The following FBXL20 variants were observed in gnomAD, a reference collection of about 807,000 sequenced individuals.
FBXL20 encodes F-box/LRR-repeat protein 20.
In FBXL20, 11 loss-of-function variants were observed where a neutral mutation model predicts 64.0. The ratio of observed to expected loss-of-function variants is 0.17; its 90% CI spans 0.11 to 0.28. The LOEUF (loss-of-function observed/expected upper bound fraction) is 0.28. Among genes scored for constraint, FBXL20 ranks in the 10% least tolerant of loss-of-function variants. The probability of loss-of-function intolerance (pLI) is 1.00; values close to 1 mark genes in which losing one functional copy is unlikely to be tolerated. For missense variants in FBXL20, 303 were observed against 526.2 expected, an observed-to-expected ratio of 0.58 and a Z score of 4.15; for synonymous variants, 184 against 189.0, an observed-to-expected ratio of 0.97 and a Z score of 0.22.
chr17:39,383,343 G>A (rs190933113), intron 1 of FBXL20, among the ~76,000 whole-genome samples: 20 of 152,108 alleles, frequency 1.3e-4, no homozygotes, highest in African/African-American at 4.3e-4. Context: ...AACCTTGGTC[G>A]GGTATGATGG....
chr17:39,271,927 T>A (rs1045480281), intron 10 of FBXL20, among the ~76,000 whole-genome samples: 4 of 151,992 alleles, frequency 2.6e-5, no homozygotes, highest in African/African-American at 7.2e-5. Context: ...AGTTAAAGTA[T>A]AGGAAACAAT....
intron 1 of FBXL20, among the ~76,000 whole-genome samples, chr17:39,343,550 T>C (rs762572427): frequency 2.0e-5 from 3 of 152,078 alleles, no homozygotes; most frequent in Non-Finnish European, 4.4e-5. Context: ...ACTTTATAGA[T>C]AGGAAGCTTG....
At chr17:39,335,426 T>C (rs1049329115) in intron 2 of FBXL20, among the ~76,000 whole-genome samples, 7 of 151,672 alleles carry the variant, frequency 4.6e-5, no homozygotes, top group African/African-American at 1.7e-4. Flanking sequence ...CTACTAAAAA[T>C]GCAAAAAATT....
chr17:39,334,858 G>A (rs2047504958), intron 2 of FBXL20, among the ~76,000 whole-genome samples: 1 of 152,202 alleles, frequency 6.6e-6, no homozygotes, highest in African/African-American at 2.4e-5. Flanking sequence ...GGGAGGCTGA[G>A]GAGGGTGGAT....
chr17:39,402,364 G>A (rs2144700060), upstream of FBXL20: 2 of 507,896 alleles, frequency 3.9e-6, no homozygotes, highest in Non-Finnish European at 6.1e-6. Flanking sequence ...GGGGGGCCGG[G>A]GCCGGACGCT....
At chr17:39,377,173 C>T (rs1374982057) in intron 1 of FBXL20, among the ~76,000 whole-genome samples, 1 of 152,146 alleles carries the variant, frequency 6.6e-6, no homozygotes, top group Admixed American at 6.6e-5. Context: ...AAGATCAGTG[C>T]TTGAGATATT....
At chr17:39,344,711 C>T (rs1597809784) in intron 1 of FBXL20, among the ~76,000 whole-genome samples, 1 of 152,258 alleles carries the variant, frequency 6.6e-6, no homozygotes, top group East Asian at 1.9e-4. Context: ...ATCACTTGAA[C>T]CCCAGGCTGC....
intron 1 of FBXL20, among the ~76,000 whole-genome samples, chr17:39,388,017 T>C (rs2048099098): frequency 6.6e-6 from 1 of 152,186 alleles, no homozygotes; most frequent in African/African-American, 2.4e-5. Context: ...TGACAGTGGT[T>C]AGAGGATCAG....
chr17:39,365,733 G>A (rs1356881700), intron 1 of FBXL20, among the ~76,000 whole-genome samples: 1 of 152,108 alleles, frequency 6.6e-6, no homozygotes, highest in Non-Finnish European at 1.5e-5. Flanking sequence ...AGGACCTGGA[G>A]GATTCCATGA....
At chr17:39,306,407 C>T (rs1441909441) in intron 2 of FBXL20, among the ~76,000 whole-genome samples, 2 of 152,134 alleles carry the variant, frequency 1.3e-5, no homozygotes, top group Non-Finnish European at 2.9e-5. Flanking sequence ...CAAGAAATCA[C>T]TGCTAAACTC....
intron 12 of FBXL20, among the ~76,000 whole-genome samples, chr17:39,266,212 G>C (rs1265380047): frequency 1.3e-5 from 2 of 149,258 alleles, no homozygotes; most frequent in African/African-American, 5.0e-5. Flanking sequence ...GGGATTACAG[G>C]CTAGTTTGTT....
chr17:39,381,606 A>C (rs2048023967), intron 1 of FBXL20, among the ~76,000 whole-genome samples: 1 of 152,034 alleles, frequency 6.6e-6, no homozygotes. Flanking sequence ...GCCTGACAAC[A>C]TGGTGAAACC....
At chr17:39,294,739 C>T (rs1004873255) in intron 6 of FBXL20, among the ~76,000 whole-genome samples, 15 of 152,070 alleles carry the variant, frequency 9.9e-5, no homozygotes, top group East Asian at 9.7e-4. Context: ...TGGCCAGACA[C>T]GGTGGCTCAC....
intron 1 of FBXL20, among the ~76,000 whole-genome samples, chr17:39,396,255 T>G: frequency 6.6e-6 from 1 of 151,856 alleles, no homozygotes; most frequent in East Asian, 1.9e-4. Context: ...ATTGATTCTA[T>G]CTCCCTCGCT....
chr17:39,371,064 C>A (rs537486651), intron 1 of FBXL20, among the ~76,000 whole-genome samples: 1 of 149,256 alleles, frequency 6.7e-6, no homozygotes, highest in South Asian at 2.1e-4. Flanking sequence ...ACTTAAAATA[C>A]AAAATTAGCC....
intron 1 of FBXL20, among the ~76,000 whole-genome samples, chr17:39,380,911 G>A (rs2048015993): frequency 6.6e-6 from 1 of 152,108 alleles, no homozygotes; most frequent in Non-Finnish European, 1.5e-5. Context: ...TGTAATCCCA[G>A]TACTTAGGGA....
intron 1 of FBXL20, among the ~76,000 whole-genome samples, chr17:39,386,391 G>A (rs1264725231): frequency 6.6e-6 from 1 of 152,116 alleles, no homozygotes; most frequent in Admixed American, 6.6e-5. Flanking sequence ...CACTTTGGGA[G>A]GCCAGGGCGG....
At chr17:39,267,307 GA>G (rs943768213) in intron 12 of FBXL20, among the ~76,000 whole-genome samples, 1 of 151,162 alleles carries the variant, frequency 6.6e-6, no homozygotes, top group Non-Finnish European at 1.5e-5. Flanking sequence ...GTAACAGCAA[GA>G]AAAAAAACAG....
At chr17:39,281,342 A>G in intron 9 of FBXL20, 47 bp downstream of exon 9, 1 of 1,552,678 alleles carries the variant, frequency 6.4e-7, no homozygotes, top group Non-Finnish European at 8.8e-7. Context: ...AAAAATTTTA[A>G]TGAAATGAAT....
Sources: gnomAD v4.1 joint callset for allele counts (sites outside exome capture counted in the v4.1 genomes callset) on GRCh38, gnomAD v4.1.1 for gene constraint, MANE v1.5 for transcripts, NCBI Gene and HGNC (gene_info 2026-07-23, HGNC 2026-07-21) for gene names.